Variants in ANKIB1 observed in about 807,000 individuals in gnomAD.
ANKIB1 encodes ankyrin repeat and IBR domain containing 1, also known as ankyrin repeat and IBR domain-containing protein 1.
Under a neutral mutation model 122.1 loss-of-function variants are expected in ANKIB1, and 43 were observed. The observed-to-expected ratio is 0.35, with a 90% CI of 0.28 to 0.45. The LOEUF (loss-of-function observed/expected upper bound fraction) is 0.45, where lower values mean the gene tolerates loss of function less well. ANKIB1 is among the 20% of genes least tolerant of loss of function. The pLI, the probability that ANKIB1 is intolerant of heterozygous loss-of-function variation, is 1.00. For missense variants in ANKIB1, 992 were observed against 1,329.5 expected (o/e 0.75, Z 3.95); for synonymous variants, 390 against 442.0 (o/e 0.88, Z 1.48).
chr7:92,315,691 G>C (rs973581144), intron 3 of ANKIB1, among the ~76,000 whole-genome samples: 1 of 152,104 alleles, frequency 6.6e-6, no homozygotes, highest in African/African-American at 2.4e-5. Flanking sequence ...GAATTGGGGG[G>C]ACTGAGAAAC....
At chr7:92,371,423 C>G in intron 10 of ANKIB1, 54 bp from the exon 11 acceptor site, 1 of 1,505,906 alleles carries the variant, frequency 6.6e-7, no homozygotes, top group Non-Finnish European at 9.0e-7. Flanking sequence ...TTTTTTCCCC[C>G]AGAAGTTGTA....
intron 2 of ANKIB1, among the ~76,000 whole-genome samples, chr7:92,306,204 C>T (rs1419444691): frequency 2.6e-5 from 4 of 152,122 alleles, no homozygotes; most frequent in Non-Finnish European, 5.9e-5. Flanking sequence ...ACAAATCTTA[C>T]AGTTCTGGAG....
intron 11 of ANKIB1, among the ~76,000 whole-genome samples, chr7:92,380,306 G>T (rs1804483278): frequency 6.6e-6 from 1 of 152,206 alleles, no homozygotes; most frequent in Admixed American, 6.5e-5. Flanking sequence ...TGGGGGCAGG[G>T]CATAGCTGAA....
chr7:92,362,301 G>A (rs1388233979), intron 10 of ANKIB1, 28 bp downstream of exon 10: 2 of 1,542,924 alleles, frequency 1.3e-6, no homozygotes, highest in Non-Finnish European at 1.8e-6. Context: ...TAGCTTTGCT[G>A]CATATTTCCT....
intron 11 of ANKIB1, among the ~76,000 whole-genome samples, chr7:92,386,227 A>G (rs1395438419): frequency 6.6e-6 from 1 of 152,204 alleles, no homozygotes. Flanking sequence ...CTTTCCAAAG[A>G]TATTATTTGG....
intron 11 of ANKIB1, among the ~76,000 whole-genome samples, chr7:92,375,059 AC>A (rs1220696904): frequency 6.7e-6 from 1 of 150,170 alleles, no homozygotes; most frequent in Non-Finnish European, 1.5e-5. Context: ...GTAAATTCAC[AC>A]TGTCTGTTAA....
chr7:92,360,439 CGT>C (rs1418150951), intron 9 of ANKIB1, among the ~76,000 whole-genome samples: 5 of 151,786 alleles, frequency 3.3e-5, no homozygotes, highest in Non-Finnish European at 7.4e-5. Context: ...ATTGTGTGAA[CGT>C]GTGTGTGTGT....
intron 1 of ANKIB1, 76 bp downstream of exon 1, chr7:92,246,595 T>C: frequency 6.2e-6 from 3 of 485,798 alleles, no homozygotes; most frequent in South Asian, 4.5e-5. Flanking sequence ...CAGAGCTACC[T>C]ACTTCACACC....
chr7:92,319,215 C>A (rs984037471), intron 3 of ANKIB1, 115 bp from the exon 4 acceptor site: 2 of 640,424 alleles, frequency 3.1e-6, no homozygotes, highest in Admixed American at 6.3e-5. Context: ...ACATACTGTA[C>A]ATACTGTTGC....
chr7:92,267,489 G>C (rs1240282978), intron 1 of ANKIB1, among the ~76,000 whole-genome samples: 1 of 152,150 alleles, frequency 6.6e-6, no homozygotes, highest in Non-Finnish European at 1.5e-5. Flanking sequence ...ATGCTAGTCT[G>C]TGTCTTTTCA....
intron 3 of ANKIB1, among the ~76,000 whole-genome samples, chr7:92,318,681 C>A (rs1802842174): frequency 6.6e-6 from 1 of 152,188 alleles, no homozygotes; most frequent in African/African-American, 2.4e-5. Flanking sequence ...GCAGAAACCT[C>A]ATTACTAAAC....
intron 1 of ANKIB1, among the ~76,000 whole-genome samples, chr7:92,284,828 G>A (rs1240400682): frequency 1.3e-5 from 2 of 152,208 alleles, no homozygotes; most frequent in African/African-American, 4.8e-5. Flanking sequence ...GTAGTGAATA[G>A]CATTGATTTT....
At chr7:92,253,146 A>G (rs940795476) in intron 1 of ANKIB1, among the ~76,000 whole-genome samples, 1 of 152,164 alleles carries the variant, frequency 6.6e-6, no homozygotes, top group Non-Finnish European at 1.5e-5. Context: ...CTGTAGTTCC[A>G]ATTCTAGTCC....
intron 2 of ANKIB1, among the ~76,000 whole-genome samples, chr7:92,302,784 A>G (rs1460812355): frequency 6.6e-6 from 1 of 152,190 alleles, no homozygotes; most frequent in Non-Finnish European, 1.5e-5. Context: ...TTTAGGAGCT[A>G]AGTTCTTTTC....
intron 15 of ANKIB1, 75 bp downstream of exon 15, chr7:92,390,191 T>G (rs1804757071): frequency 3.5e-6 from 4 of 1,144,696 alleles, no homozygotes; most frequent in Admixed American, 6.7e-5. Flanking sequence ...TGAAACCACT[T>G]GTTTTATTTA....
intron 17 of ANKIB1, among the ~76,000 whole-genome samples, chr7:92,394,601 A>G (rs1804848565): frequency 6.6e-6 from 1 of 152,212 alleles, no homozygotes; most frequent in South Asian, 2.1e-4. Flanking sequence ...AAGTAAGCAA[A>G]TTATCCCTAA....
intron 4 of ANKIB1, among the ~76,000 whole-genome samples, chr7:92,324,870 A>G (rs1021160197): frequency 6.6e-6 from 1 of 152,186 alleles, no homozygotes; most frequent in African/African-American, 2.4e-5. Context: ...ACTGCTAGAC[A>G]CTGTTTTAGA....
At chr7:92,259,384 TGTA>T (rs1279476562) in intron 1 of ANKIB1, among the ~76,000 whole-genome samples, 1 of 152,228 alleles carries the variant, frequency 6.6e-6, no homozygotes, top group Non-Finnish European at 1.5e-5. Context: ...TACTTCTTGT[TGTA>T]GTTTCTGTAT....
At chr7:92,367,352 G>T (rs2115623934) in intron 10 of ANKIB1, among the ~76,000 whole-genome samples, 1 of 152,242 alleles carries the variant, frequency 6.6e-6, no homozygotes, top group African/African-American at 2.4e-5. Flanking sequence ...GAAATTTAGG[G>T]CGAGGATTAA....
Sources: gnomAD v4.1 joint callset for allele counts (sites outside exome capture counted in the v4.1 genomes callset) on GRCh38, gnomAD v4.1.1 for gene constraint, MANE v1.5 for transcripts, NCBI Gene and HGNC (gene_info 2026-07-23, HGNC 2026-07-21) for gene names.